Variants in RALYL observed in about 807,000 individuals in gnomAD.
The protein encoded by RALYL is RALY RNA binding protein like.
A neutral mutation model predicts 35.1 loss-of-function variants in RALYL; 29 were observed. That is an observed-to-expected ratio of 0.83 (90% confidence interval 0.61 to 1.13). The LOEUF (loss-of-function observed/expected upper bound fraction) is 1.13. Among genes scored for constraint, RALYL ranks in the 50% most tolerant of loss-of-function variants. RALYL has a pLI of 0.00. For synonymous variants in RALYL, 120 were observed against 127.6 expected, an observed-to-expected ratio of 0.94 and a Z score of 0.40; for missense variants, 359 against 360.4, an observed-to-expected ratio of 1.00 and a Z score of 0.03.
intron 1 of RALYL, among the ~76,000 whole-genome samples, chr8:84,185,981 T>C (rs1373081075): frequency 2.0e-5 from 3 of 152,216 alleles, no homozygotes; most frequent in African/African-American, 4.8e-5. Flanking sequence ...AAAGTTAGTG[T>C]AATATCTGGA....
At chr8:84,727,833 ATGGTGTATATG>A (rs1397724182) in intron 2 of RALYL, among the ~76,000 whole-genome samples, 1 of 151,896 alleles carries the variant, frequency 6.6e-6, no homozygotes, top group East Asian at 1.9e-4. Flanking sequence ...ATAGTATTCC[ATGGTGTATATG>A]TGCCACATTT....
At chr8:84,374,112 G>C (rs1173872874) in intron 1 of RALYL, among the ~76,000 whole-genome samples, 1 of 151,998 alleles carries the variant, frequency 6.6e-6, no homozygotes, top group Non-Finnish European at 1.5e-5. Flanking sequence ...TTTGTGCTGA[G>C]ACTATAGGGT....
chr8:84,902,215 G>A (rs905012827), intron 8 of RALYL, among the ~76,000 whole-genome samples: 7 of 152,170 alleles, frequency 4.6e-5, no homozygotes, highest in African/African-American at 1.2e-4. Flanking sequence ...AGGAGGCCCC[G>A]GAAGTATAAT....
At chr8:84,716,915 A>G (rs1843024856) in intron 2 of RALYL, among the ~76,000 whole-genome samples, 1 of 152,152 alleles carries the variant, frequency 6.6e-6, no homozygotes, top group South Asian at 2.1e-4. Flanking sequence ...AAAATACAAG[A>G]AATTGTAGCA....
intron 3 of RALYL, among the ~76,000 whole-genome samples, chr8:84,779,483 T>C (rs539641567): frequency 6.6e-6 from 1 of 152,346 alleles, no homozygotes; most frequent in African/African-American, 2.4e-5. Flanking sequence ...CCATTGATTC[T>C]GTAAAAATCA....
At chr8:84,449,798 CATAAT>C (rs2049254092) in intron 1 of RALYL, among the ~76,000 whole-genome samples, 2 of 152,022 alleles carry the variant, frequency 1.3e-5, no homozygotes, top group South Asian at 4.1e-4. Context: ...TGAATTTGTT[CATAAT>C]ATGAGAAGGC....
chr8:84,252,411 A>G (rs1305326637), intron 1 of RALYL, among the ~76,000 whole-genome samples: 1 of 152,202 alleles, frequency 6.6e-6, no homozygotes, highest in African/African-American at 2.4e-5. Context: ...TAGAGGTTAA[A>G]GAAAACTCAC....
chr8:84,328,572 T>A (rs1193708526), intron 1 of RALYL, among the ~76,000 whole-genome samples: 1 of 152,222 alleles, frequency 6.6e-6, no homozygotes, highest in South Asian at 2.1e-4. Flanking sequence ...CACTTTTGTT[T>A]GCCTCCCAGC....
At chr8:84,716,336 TATTTA>T (rs1842940914) in intron 2 of RALYL, among the ~76,000 whole-genome samples, 1 of 152,218 alleles carries the variant, frequency 6.6e-6, no homozygotes, top group African/African-American at 2.4e-5. Context: ...ATTTAATTTT[TATTTA>T]ATTTATAGTC....
chr8:84,353,665 A>G (rs996596940), intron 1 of RALYL, among the ~76,000 whole-genome samples: 1 of 150,354 alleles, frequency 6.7e-6, no homozygotes, highest in Non-Finnish European at 1.5e-5. Context: ...AAGGTGCAAG[A>G]CTTAACATTA....
chr8:84,731,506 C>T (rs138796709), intron 2 of RALYL, among the ~76,000 whole-genome samples: 3 of 152,222 alleles, frequency 2.0e-5, no homozygotes, highest in East Asian at 1.9e-4. Flanking sequence ...CATTTTTAAT[C>T]GATCACCAAA....
At chr8:84,525,208 T>C (rs2058784973) in intron 1 of RALYL, among the ~76,000 whole-genome samples, 1 of 151,974 alleles carries the variant, frequency 6.6e-6, no homozygotes, top group Admixed American at 6.6e-5. Flanking sequence ...ACAGTTTATC[T>C]TTTATTTTAC....
intron 1 of RALYL, among the ~76,000 whole-genome samples, chr8:84,482,810 C>T (rs2054184808): frequency 6.6e-6 from 1 of 151,944 alleles, no homozygotes; most frequent in South Asian, 2.1e-4. Flanking sequence ...TTTGGTTTGC[C>T]ATGGCATAAG....
chr8:84,538,263 A>G (rs568805608), intron 2 of RALYL, among the ~76,000 whole-genome samples: 1 of 152,136 alleles, frequency 6.6e-6, no homozygotes, highest in African/African-American at 2.4e-5. Context: ...ACTGTAAATA[A>G]TTTTTTTCAT....
chr8:84,437,293 T>G (rs533956753), intron 1 of RALYL, among the ~76,000 whole-genome samples: 1 of 152,310 alleles, frequency 6.6e-6, no homozygotes, highest in South Asian at 2.1e-4. Context: ...GTTGATTTCA[T>G]GTCTTTGCTA....
intron 2 of RALYL, among the ~76,000 whole-genome samples, chr8:84,610,873 T>C (rs1185439204): frequency 6.6e-6 from 1 of 152,132 alleles, no homozygotes; most frequent in Non-Finnish European, 1.5e-5. Flanking sequence ...TCAATGTACA[T>C]GTGTGTATGT....
chr8:84,766,285 G>GC (rs1424737253), intron 2 of RALYL, among the ~76,000 whole-genome samples: 1 of 152,052 alleles, frequency 6.6e-6, no homozygotes, highest in Non-Finnish European at 1.5e-5. Context: ...TGAGTTAAAT[G>GC]CAAGTGAATC....
At chr8:84,713,009 G>A (rs998874473) in intron 2 of RALYL, among the ~76,000 whole-genome samples, 18 of 151,854 alleles carry the variant, frequency 1.2e-4, no homozygotes, top group Non-Finnish European at 1.3e-4. Context: ...CTGTACTTTT[G>A]GGGACATATC....
chr8:84,332,089 G>C (rs986384020), intron 1 of RALYL, among the ~76,000 whole-genome samples: 6 of 152,006 alleles, frequency 3.9e-5, no homozygotes, highest in African/African-American at 1.4e-4. Flanking sequence ...ACATCTTACA[G>C]GATTTTAATT....
Sources: gnomAD v4.1 joint callset for allele counts (sites outside exome capture counted in the v4.1 genomes callset) on GRCh38, gnomAD v4.1.1 for gene constraint, MANE v1.5 for transcripts, NCBI Gene and HGNC (gene_info 2026-07-23, HGNC 2026-07-21) for gene names.